The following IQSEC1 variants were observed in gnomAD, a reference collection of about 807,000 sequenced individuals.
IQSEC1 encodes IQ motif and SEC7 domain-containing protein 1.
A neutral mutation model predicts 91.0 loss-of-function variants in IQSEC1; 31 were observed. The observed-to-expected ratio is 0.34, with a 90% CI of 0.26 to 0.46. The LOEUF is 0.46. Among genes scored for constraint, IQSEC1 ranks in the 20% least tolerant of loss-of-function variants. IQSEC1 has a pLI of 1.00. For synonymous variants in IQSEC1, 699 were observed against 662.6 expected (o/e 1.05, Z -0.84); for missense variants, 1,388 against 1,575.6 (o/e 0.88, Z 2.02).
intron 8 of IQSEC1, 101 bp downstream of exon 8, chr3:12,915,002 GC>G (rs1676871743): frequency 1.7e-6 from 2 of 1,180,214 alleles, no homozygotes; most frequent in African/African-American, 1.5e-5. Context: ...CAAGCAGCCA[GC>G]ACTTGGGCTC....
chr3:13,204,126 T>C (rs1333940991), intron 1 of IQSEC1, among the ~76,000 whole-genome samples: 1 of 152,046 alleles, frequency 6.6e-6, no homozygotes, highest in Non-Finnish European at 1.5e-5. Context: ...CAGGGGTAAC[T>C]CTCCACCGGG....
intron 1 of IQSEC1, among the ~76,000 whole-genome samples, chr3:13,054,409 C>T (rs1201676969): frequency 1.3e-5 from 2 of 152,212 alleles, no homozygotes; most frequent in Non-Finnish European, 2.9e-5. Context: ...AAGCAGTGGG[C>T]ACCCTTCTAC....
In IQSEC1 at chr3:12,935,148, C is replaced by T. The variant is rs114479147; in HGVS notation, c.1568+300G>A. 7.3e-3 allele frequency among the ~76,000 whole-genome samples: 1,111 copies of T among 152,310 alleles called. 11 individuals are homozygous for T. Among genetic ancestry groups the T allele is most frequent in the African/African-American group, 0.026 (1,062 of 41,572 alleles). ...GCCCAACATACCCCACTTGCTATGG[C>T]GGACTTGGGGGGGATGGGACGGAAG... On this transcript the variant is annotated intron_variant, in intron 3 of 13. Transcript: ENST00000613206. This position sits in a 1 kb window ranked among gnomAD's most constrained non-coding sequence, Gnocchi z 8.0.
intron 1 of IQSEC1, among the ~76,000 whole-genome samples, chr3:13,065,379 C>G (rs1177212578): frequency 6.6e-6 from 1 of 152,238 alleles, no homozygotes; most frequent in African/African-American, 2.4e-5. Flanking sequence ...ACCAAATAGA[C>G]AATATGTGCA....
intron 1 of IQSEC1, among the ~76,000 whole-genome samples, chr3:13,220,910 C>CG (rs1423854285): frequency 1.3e-5 from 2 of 152,186 alleles, no homozygotes; most frequent in Non-Finnish European, 2.9e-5. Flanking sequence ...TACCAGCCAC[C>CG]GGGCCACTTC....
intron 2 of IQSEC1, among the ~76,000 whole-genome samples, chr3:13,160,037 T>C (rs1476467620): frequency 6.6e-6 from 1 of 152,092 alleles, no homozygotes; most frequent in African/African-American, 2.4e-5. Context: ...ATGAGCAAAG[T>C]CCTACATTTG....
At chr3:13,056,247 G>A (rs958432206) in intron 1 of IQSEC1, among the ~76,000 whole-genome samples, 1 of 152,162 alleles carries the variant, frequency 6.6e-6, no homozygotes, top group African/African-American at 2.4e-5. Context: ...CCTTAGTCCA[G>A]TACAGGCTTG....
At chr3:13,267,967 T>C (rs60210030) in intron 1 of IQSEC1, among the ~76,000 whole-genome samples, 7,527 of 152,110 alleles carry the variant, frequency 0.049, 617 homozygotes, top group African/African-American at 0.17. Context: ...CTTAACCAGC[T>C]CTCCTCCAGA....
chr3:13,162,002 G>A (rs1707187189), intron 2 of IQSEC1, among the ~76,000 whole-genome samples: 1 of 152,112 alleles, frequency 6.6e-6, no homozygotes, highest in African/African-American at 2.4e-5. Flanking sequence ...CCTCCCCCAG[G>A]GCTGGGTTCC....
At position 13,282,009 on chromosome 3, in the gene IQSEC1, C is replaced by T. The variant is rs2125162712; in HGVS notation, c.272+702G>A. 6.6e-6 allele frequency among the ~76,000 whole-genome samples: 1 copy of T among 152,328 alleles called. No homozygotes were observed. Among genetic ancestry groups the T allele is most frequent in the South Asian group, 2.1e-4 (1 of 4,824 alleles). ...ACACTCATGGGAGGCAAACGGGAAC[C>T]CGGCTGGCGGGCTGCGAGCCGGTAG... On this transcript the variant is annotated intron_variant, in intron 1 of 15. Transcript: ENST00000648114. This position sits in a 1 kb window ranked among gnomAD's most constrained non-coding sequence, Gnocchi z 6.4.
At chr3:13,096,382 C>T (rs1295134569) in intron 2 of IQSEC1, among the ~76,000 whole-genome samples, 2 of 152,216 alleles carry the variant, frequency 1.3e-5, no homozygotes, top group African/African-American at 4.8e-5. Context: ...TTCACTCATT[C>T]CTTTGCTTAT....
In IQSEC1 at chr3:13,207,758, C is replaced by G. The variant is rs1694370755; in HGVS notation, c.273-43625G>C. Among the ~76,000 whole-genome samples, 1 of 152,188 alleles carries G rather than the reference C, an allele frequency of 6.6e-6. No individual in the cohort carries two copies. The highest frequency in any genetic ancestry group is 2.1e-4 in the South Asian group (1 of 4,822). ...CGCCAGCTCTCCCGGGAGGCTCTCTCTCACCATCGCATCTAAACCAACCAT... is the reference window on the plus strand; with the variant it reads ...CGCCAGCTCTCCCGGGAGGCTCTCTGTCACCATCGCATCTAAACCAACCAT... On this transcript the variant is annotated intron_variant, in intron 1 of 15. Coordinates refer to the IQSEC1 transcript ENST00000648114. This position sits in a 1 kb window ranked among gnomAD's most constrained non-coding sequence, Gnocchi z 4.8.
At chr3:12,955,961 CCAAA>C (rs952939816) in intron 1 of IQSEC1, among the ~76,000 whole-genome samples, 16 of 152,298 alleles carry the variant, frequency 1.1e-4, no homozygotes, top group African/African-American at 3.4e-4. Flanking sequence ...TCTCTGTGGC[CCAAA>C]CAGTGTTTCA....
rs760255548 is a variant in IQSEC1, at chr3:12,941,704, T to C, written c.185A>G (p.Gln62Arg). Reference sequence around the variant, plus strand: ...CAGCTTGGGCCTCCGCGTGCGCTGCTGTTGCCCCGGCGGCCCCGAGTACAG... The same window carrying C: ...CAGCTTGGGCCTCCGCGTGCGCTGCCGTTGCCCCGGCGGCCCCGAGTACAG... ...YGLYSGPPGQ[Q>R]QRTRRPKLQH... Residue 62 changes from glutamine to arginine, a missense_variant, in exon 2 of 14, where the codon CAG becomes CGG. Around this residue, in one of 2 missense-constraint regions of IQSEC1, gnomAD observed 1,059 missense variants for 1,317.8 expected, o/e 0.80. Transcript: ENST00000613206. 7 of 1,612,762 alleles carry C rather than the reference T, an allele frequency of 4.3e-6. No individual in the cohort carries two copies. The East Asian group carries it at 1.6e-4, about 36-fold the overall frequency.
At position 12,909,501 on chromosome 3, in the gene IQSEC1, G is replaced by T. The variant is rs1695360116; in HGVS notation, c.2417-67C>A. 1.3e-6 allele frequency: 2 copies of T among 1,486,704 alleles called. No individual in the cohort carries two copies. The highest frequency in any genetic ancestry group is 2.3e-5 in the East Asian group (1 of 44,096). The allele number at this position is 1,486,704 out of a possible 1,614,324, so 92.1% of individuals were successfully genotyped here. A position where few individuals can be genotyped will look rare whatever the true frequency, so the allele number is the denominator to read the frequency against. ...GTGTGTTCTCTGCAATCTCCTCTCTGGTCAGGAAACAATGGTAGGGCTGAG... is the reference window on the plus strand; with the variant it reads ...GTGTGTTCTCTGCAATCTCCTCTCTTGTCAGGAAACAATGGTAGGGCTGAG... On this transcript the variant is annotated intron_variant, in intron 10 of 13. Transcript: ENST00000613206. This position sits in a 1 kb window ranked among gnomAD's most constrained non-coding sequence, Gnocchi z 4.9.
Position 12,924,803 on chromosome 3 carries a change from A to AGG in IQSEC1, c.1569-63_1569-62dup. ...GCCCGGCCACCAGCCAGGCACCTGG[A>AGG]GGGGATCTCCGCTCAGTGGACGGTC... On this transcript the variant is annotated intron_variant, in intron 3 of 13. Coordinates refer to ENST00000613206, the MANE Select transcript of IQSEC1 (RefSeq NM_001134382.3). This position sits in a 1 kb window ranked among gnomAD's most constrained non-coding sequence, Gnocchi z 6.3. The AGG allele has an allele frequency of 2.0e-6, 3 of 1,469,356 alleles. No homozygotes were observed. Among genetic ancestry groups the AGG allele is most frequent in the Non-Finnish European group, 2.8e-6 (3 of 1,089,502 alleles). The allele number at this position is 1,469,356 out of a possible 1,614,324, so 91.0% of individuals were successfully genotyped here.
chr3:13,224,937 A>G (rs1019611166), intron 1 of IQSEC1, among the ~76,000 whole-genome samples: 2 of 152,228 alleles, frequency 1.3e-5, no homozygotes. Context: ...CAGAGTCACT[A>G]TGCTCTGTGA....
In IQSEC1 at chr3:12,913,361, GCCAGACA is replaced by G. The variant is rs540117348; in HGVS notation, c.2316+60_2316+66del. 11,073 of 1,496,178 alleles carry G rather than the reference GCCAGACA, an allele frequency of 7.4e-3. 65 individuals are homozygous for G. Among genetic ancestry groups the G allele is most frequent in the Non-Finnish European group, 9.2e-3 (10,200 of 1,106,760 alleles). The allele number at this position is 1,496,178 out of a possible 1,614,324, so 92.7% of individuals were successfully genotyped here. Reference sequence around the variant, plus strand: ...CATGCACATCTTCCCCACGCAGACAGCCAGACATGGACCCTGGGCTCAGGCTTGAGGT... The same window carrying G: ...CATGCACATCTTCCCCACGCAGACAGTGGACCCTGGGCTCAGGCTTGAGGT... On this transcript the variant is annotated intron_variant, in intron 9 of 13. Transcript: ENST00000613206.
At chr3:13,247,428 C>T (rs530371018) in intron 1 of IQSEC1, among the ~76,000 whole-genome samples, 27 of 152,214 alleles carry the variant, frequency 1.8e-4, no homozygotes, top group Non-Finnish European at 2.9e-4. Flanking sequence ...ATGAATGTTG[C>T]GGCTGCTGTG....
Sources: gnomAD v4.1 joint callset for allele counts (sites outside exome capture counted in the v4.1 genomes callset) on GRCh38, gnomAD v4.1.1 for gene constraint, gnomAD v4.1.1 regional missense constraint, Gnocchi (gnomAD v3.1) non-coding constraint, MANE v1.5 for transcripts, NCBI Gene and HGNC (gene_info 2026-07-23, HGNC 2026-07-21) for gene names.